SLC43A2: variants seen among roughly 807,000 people sequenced by gnomAD.
SLC43A2 encodes solute carrier family 43 member 2.
In SLC43A2, 38 loss-of-function variants were observed where a neutral mutation model predicts 63.2. The observed-to-expected ratio is 0.60, with a 90% CI of 0.46 to 0.79. The LOEUF is 0.79. SLC43A2 is among the 30% of genes least tolerant of loss of function. The pLI, the probability that SLC43A2 is intolerant of heterozygous loss-of-function variation, is 0.00. For missense variants in SLC43A2, 644 were observed against 756.2 expected (o/e 0.85, Z 1.74); for synonymous variants, 322 against 331.0 (o/e 0.97, Z 0.30).
intron 2 of SLC43A2, among the ~76,000 whole-genome samples, chr17:1,622,346 G>A (rs975521295): frequency 7.0e-6 from 1 of 142,096 alleles, no homozygotes; most frequent in South Asian, 2.2e-4. Flanking sequence ...GGTGGATCAC[G>A]AGGTCAGGAG....
chr17:1,606,318 G>A lies in SLC43A2; in HGVS notation c.501+6877C>T, dbSNP rs1191976195. ...TCCTCTCCAGGATCTGAAGAGGGAT[G>A]TTTATCCTCTTCACTTCCCTCAGAT... On this transcript the variant is annotated intron_variant, in intron 5 of 13. Coordinates refer to ENST00000301335, the MANE Select transcript of SLC43A2 (RefSeq NM_152346.3). The surrounding 1 kb of genome is among the most constrained non-coding windows in gnomAD (Gnocchi z 4.7). Among the ~76,000 whole-genome samples, 1 of 152,174 alleles carries A rather than the reference G, an allele frequency of 6.6e-6. No homozygotes were observed. Among genetic ancestry groups the A allele is most frequent in the African/African-American group, 2.4e-5 (1 of 41,444 alleles).
chr17:1,621,709 G>A (rs930099847), intron 2 of SLC43A2, among the ~76,000 whole-genome samples: 3 of 152,180 alleles, frequency 2.0e-5, no homozygotes, highest in Non-Finnish European at 2.9e-5. Flanking sequence ...CTGTCAGAGT[G>A]TCCCCGAGGG....
At chr17:1,586,931 C>CCCCCCCCCCCCCCCCCCCCCCCG in intron 9 of SLC43A2, 2 of 986,028 alleles carry the variant, frequency 2.0e-6, no homozygotes, top group South Asian at 1.4e-5. Flanking sequence ...CTGACAATCC[C>CCCCCCCCCCCCCCCCCCCCCCCG]CCCCACCCCC....
intron 3 of SLC43A2, among the ~76,000 whole-genome samples, chr17:1,616,109 G>A (rs1408631958): frequency 6.6e-6 from 1 of 151,540 alleles, no homozygotes; most frequent in Non-Finnish European, 1.5e-5. Flanking sequence ...TATTATATTG[G>A]GGGTACGTGT....
Position 1,575,578 on chromosome 17 carries a change from A to G in SLC43A2, c.*26T>C, listed in dbSNP as rs2075911818. On this transcript the variant is annotated 3_prime_UTR_variant, in exon 14 of 14. Transcript: ENST00000301335. ...GGTCAGTCACTGAAGCACAGGCAGG[A>G]GACCGCAGTTCCGAGGCGGCAGCCA... The G allele has an allele frequency of 6.2e-7, 1 of 1,613,906 alleles. No individual in the cohort carries two copies. The highest frequency in any genetic ancestry group is 2.2e-5 in the East Asian group (1 of 44,872).
intron 9 of SLC43A2, among the ~76,000 whole-genome samples, chr17:1,588,391 A>T (rs1904417337): frequency 6.7e-6 from 1 of 149,684 alleles, no homozygotes; most frequent in Non-Finnish European, 1.5e-5. Context: ...CATGTCAAAA[A>T]AAAAAGACTG....
chr17:1,627,071 C>A (rs1166153314), intron 2 of SLC43A2, among the ~76,000 whole-genome samples: 1 of 152,216 alleles, frequency 6.6e-6, no homozygotes, highest in Non-Finnish European at 1.5e-5. Flanking sequence ...ACCCTAGCAT[C>A]ATTTCCATAA....
chr17:1,590,612 C>T (rs1410165020), intron 9 of SLC43A2, among the ~76,000 whole-genome samples, 190 bp downstream of exon 9: 2 of 152,210 alleles, frequency 1.3e-5, no homozygotes, highest in African/African-American at 4.8e-5. Flanking sequence ...ACCAGGAAAC[C>T]CTGATGGGGA....
At chr17:1,576,861 CTGTTTT>C in intron 12 of SLC43A2, 141 bp from the exon 13 acceptor site, 1 of 775,446 alleles carries the variant, frequency 1.3e-6, no homozygotes, top group South Asian at 2.2e-5. Context: ...CTGGGCAGTT[CTGTTTT>C]TTTTTTTTTT....
rs1245331351 is a variant in SLC43A2 at position 1,605,531 on chromosome 17, A to C, written c.501+7664T>G. On this transcript the variant is annotated intron_variant, in intron 5 of 13. Coordinates refer to ENST00000301335, the MANE Select transcript of SLC43A2 (RefSeq NM_152346.3). This position sits in a 1 kb window ranked among gnomAD's most constrained non-coding sequence, Gnocchi z 4.9. ...GACTTTCCACATCCACGGACTCCCG[A>C]GTCCTCCCTGGCCTGCAGGAGGCTG... is the stretch of plus-strand genomic sequence containing the variant. 6.7e-6 allele frequency among the ~76,000 whole-genome samples: 1 copy of C among 149,348 alleles called. No individual in the cohort carries two copies. The highest frequency in any genetic ancestry group is 2.5e-5 in the African/African-American group (1 of 40,462).
chr17:1,603,800 A>T (rs1435046517), intron 5 of SLC43A2, among the ~76,000 whole-genome samples: 1 of 151,934 alleles, frequency 6.6e-6, no homozygotes, highest in Non-Finnish European at 1.5e-5. Flanking sequence ...AACAAAACAA[A>T]ACAAAACAAA....
Position 1,606,541 on chromosome 17 carries a change from T to C in SLC43A2, c.501+6654A>G, listed in dbSNP as rs547466790. Among the ~76,000 whole-genome samples the C allele has an allele frequency of 1.2e-4, 18 of 152,076 alleles. No individual in the cohort carries two copies. In the East Asian group the frequency reaches 3.1e-3, roughly 26 times the overall value. ...AGAGTAATGGAGTGGAAATGGCAGGTTCACAATTTTGGCTACAGCTGCTCC... is the reference window on the plus strand; with the variant it reads ...AGAGTAATGGAGTGGAAATGGCAGGCTCACAATTTTGGCTACAGCTGCTCC... On this transcript the variant is annotated intron_variant, in intron 5 of 13. Coordinates refer to ENST00000301335, the MANE Select transcript of SLC43A2 (RefSeq NM_152346.3). This position sits in a 1 kb window ranked among gnomAD's most constrained non-coding sequence, Gnocchi z 4.7.
At chr17:1,586,471 C>T (rs1007487890) in intron 9 of SLC43A2, among the ~76,000 whole-genome samples, 9 of 151,988 alleles carry the variant, frequency 5.9e-5, no homozygotes, top group South Asian at 2.1e-4. Flanking sequence ...CCGAGGTGGG[C>T]GGATCACGAG....
chr17:1,593,384 GC>G lies in SLC43A2; in HGVS notation c.502-106del. 1 of 996,900 alleles carries G rather than the reference GC, an allele frequency of 1.0e-6. No homozygotes were observed. The highest frequency in any genetic ancestry group is 1.5e-6 in the Non-Finnish European group (1 of 648,266). 61.8% of individuals were successfully genotyped at this position (996,900 alleles called of 1,614,324 possible). A position where few individuals can be genotyped will look rare whatever the true frequency, so the allele number is the denominator to read the frequency against. On this transcript the variant is annotated intron_variant, in intron 5 of 13. Coordinates refer to ENST00000301335, the MANE Select transcript of SLC43A2 (RefSeq NM_152346.3). This position sits in a 1 kb window ranked among gnomAD's most constrained non-coding sequence, Gnocchi z 5.3. ...CCCATGAGGCCCCTTCTTCACCTGCGCCCCTTCCTGTGTGACTCACAGGGGC... is the reference window on the plus strand; with the variant it reads ...CCCATGAGGCCCCTTCTTCACCTGCGCCCTTCCTGTGTGACTCACAGGGGC...
intron 3 of SLC43A2, 70 bp from the exon 4 acceptor site, chr17:1,615,104 TTTTTGG>T: frequency 6.4e-7 from 1 of 1,561,084 alleles, no homozygotes. Context: ...TTTGTTTTTG[TTTTTGG>T]TTTTTGGTTT....
At chr17:1,584,588 C>T (rs531275510) in intron 10 of SLC43A2, among the ~76,000 whole-genome samples, 22 of 152,028 alleles carry the variant, frequency 1.4e-4, no homozygotes, top group South Asian at 8.3e-4. Context: ...CCGAGGCAAG[C>T]GGATCACAAG....
At chr17:1,614,110 G>GC (rs1201780443) in intron 4 of SLC43A2, among the ~76,000 whole-genome samples, 1 of 152,148 alleles carries the variant, frequency 6.6e-6, no homozygotes, top group Non-Finnish European at 1.5e-5. Context: ...AGGCGTGGTG[G>GC]CGGGTGCCCG....
Position 1,575,469 on chromosome 17 carries a change from G to A in SLC43A2, c.*135C>T. On this transcript the variant is annotated 3_prime_UTR_variant, in exon 14 of 14. Transcript: ENST00000301335. ...CTTCCACCACAGAGCTCCGAGGCAG[G>A]GCCCCGGGAGGGAGCGTGAACGCTG... The A allele has an allele frequency of 8.6e-7, 1 of 1,164,972 alleles. No individual in the cohort carries two copies. Among genetic ancestry groups the A allele is most frequent in the Non-Finnish European group, 1.2e-6 (1 of 804,216 alleles). The allele number at this position is 1,164,972 out of a possible 1,614,324, so 72.2% of individuals were successfully genotyped here. A position where few individuals can be genotyped will look rare whatever the true frequency, so the allele number is the denominator to read the frequency against.
intron 9 of SLC43A2, chr17:1,586,927 A>AGGGGGGCCCCC: frequency 7.4e-7 from 1 of 1,355,944 alleles, no homozygotes; most frequent in Non-Finnish European, 1.0e-6. Context: ...TTCCCTGACA[A>AGGGGGGCCCCC]TCCCCCCCAC....
Sources: gnomAD v4.1 joint callset for allele counts (sites outside exome capture counted in the v4.1 genomes callset) on GRCh38, gnomAD v4.1.1 for gene constraint, Gnocchi (gnomAD v3.1) non-coding constraint, MANE v1.5 for transcripts, NCBI Gene and HGNC (gene_info 2026-07-23, HGNC 2026-07-21) for gene names.